The following EPS15L1 variants were observed in gnomAD, a reference collection of about 807,000 sequenced individuals.
The protein encoded by EPS15L1 is epidermal growth factor receptor pathway substrate 15 like 1.
Under a neutral mutation model 117.1 loss-of-function variants are expected in EPS15L1, and 43 were observed. The ratio of observed to expected loss-of-function variants is 0.37; its 90% CI spans 0.29 to 0.47. The LOEUF is 0.47. Among genes scored for constraint, EPS15L1 ranks in the 20% least tolerant of loss-of-function variants. The pLI, the probability that EPS15L1 is intolerant of heterozygous loss-of-function variation, is 0.99. For missense variants in EPS15L1, 981 were observed against 1,164.0 expected, an observed-to-expected ratio of 0.84 and a Z score of 2.29; for synonymous variants, 459 against 470.5, an observed-to-expected ratio of 0.98 and a Z score of 0.32.
intron 8 of EPS15L1, among the ~76,000 whole-genome samples, chr19:16,428,165 C>T (rs1488199573): frequency 6.7e-6 from 1 of 148,350 alleles, no homozygotes; most frequent in African/African-American, 2.5e-5. Context: ...TACACCACTG[C>T]ACTCCAGCCT....
intron 22 of EPS15L1, among the ~76,000 whole-genome samples, chr19:16,376,446 C>T (rs1486211121): frequency 6.6e-6 from 1 of 152,190 alleles, no homozygotes; most frequent in Non-Finnish European, 1.5e-5. Flanking sequence ...CCTCGAGGGC[C>T]AAGGCTAGGA....
intron 4 of EPS15L1, among the ~76,000 whole-genome samples, chr19:16,438,557 T>C (rs1246223302): frequency 6.6e-6 from 1 of 152,246 alleles, no homozygotes; most frequent in South Asian, 2.1e-4. Context: ...GTTTTAGAGA[T>C]AGGGTCTCAC....
rs372467299 is a variant in EPS15L1, at chr19:16,361,971, A to T, written c.2394T>A (p.Pro798=). The change falls in exon 23 of 24, where the codon CCT becomes CCA. Residue 798 remains proline (P), a synonymous_variant. Coordinates refer to ENST00000455140, the MANE Select transcript of EPS15L1 (RefSeq NM_001258374.3). ...RPKPPSGKST[P]VSQLGSADFP... is the part of the protein sequence containing the mutation. ...AGTCTGCGGAACCAAGCTGGCTTAC[A>T]GGTGTACTTTTACCTGGAAAGTTTA... 1 of 1,600,678 alleles carries T rather than the reference A, an allele frequency of 6.2e-7. No individual in the cohort carries two copies. Among genetic ancestry groups the T allele is most frequent in the Non-Finnish European group, 8.5e-7 (1 of 1,175,190 alleles).
At chr19:16,432,411 A>G (rs1204691156) in intron 7 of EPS15L1, among the ~76,000 whole-genome samples, 1 of 152,060 alleles carries the variant, frequency 6.6e-6, no homozygotes, top group Non-Finnish European at 1.5e-5. Flanking sequence ...TACTAAAAAT[A>G]TGAAAAATTA....
chr19:16,402,511 T>A (rs2092612697), intron 15 of EPS15L1, 26 bp from the exon 16 acceptor site: 1 of 1,558,176 alleles, frequency 6.4e-7, no homozygotes, highest in Admixed American at 2.1e-5. Context: ...ATCATCAGCA[T>A]TAAGCAGGGT....
chr19:16,435,642 C>A (rs1425377751), intron 6 of EPS15L1, among the ~76,000 whole-genome samples: 2 of 150,430 alleles, frequency 1.3e-5, no homozygotes, highest in Admixed American at 1.3e-4. Flanking sequence ...AAGCTGAGCG[C>A]TGCAGGTCTT....
Position 16,403,723 on chromosome 19 carries a change from C to G in EPS15L1, c.1626+10G>C. 6.2e-7 allele frequency: 1 copy of G among 1,610,376 alleles called. No individual in the cohort carries two copies. Among genetic ancestry groups the G allele is most frequent in the African/African-American group, 1.3e-5 (1 of 75,016 alleles). On this transcript the variant is annotated intron_variant, in intron 15 of 23. Transcript: ENST00000455140. The stretch of plus-strand genomic sequence containing the variant: ...CTGGCATGTGGCAGGGACCCGACTC[C>G]GTGAAGTACCTGGTTGATTTCGTCT...
At chr19:16,360,106 C>T (rs1474841232) in intron 23 of EPS15L1, among the ~76,000 whole-genome samples, 7 of 149,890 alleles carry the variant, frequency 4.7e-5, no homozygotes, top group Non-Finnish European at 8.9e-5. Flanking sequence ...GAGCCCTTTG[C>T]GGGTTGGGGT....
Position 16,421,441 on chromosome 19 carries a change from C to T in EPS15L1, c.828G>A (p.Lys276=), listed in dbSNP as rs754527722. ...TVNWVVPVAD[K]MRFDEIFLKT... Reference sequence around the variant, plus strand: ...TCAGGAATATCTCATCAAATCGCATCTTGTCTGCCACGGGCACCACCCAGT... The same window carrying T: ...TCAGGAATATCTCATCAAATCGCATTTTGTCTGCCACGGGCACCACCCAGT... Residue 276 remains lysine, a synonymous_variant, in exon 10 of 24, where the codon AAG becomes AAA. Transcript: ENST00000455140. The T allele has an allele frequency of 6.2e-7, 1 of 1,613,982 alleles. No individual in the cohort carries two copies. The highest frequency in any genetic ancestry group is 8.5e-7 in the Non-Finnish European group (1 of 1,179,812).
intron 1 of EPS15L1, among the ~76,000 whole-genome samples, chr19:16,457,959 C>T (rs1385522980): frequency 6.6e-6 from 1 of 152,024 alleles, no homozygotes; most frequent in Non-Finnish European, 1.5e-5. Flanking sequence ...GGCCCACTTC[C>T]CAGAGTCTCC....
chr19:16,441,975 G>T lies in EPS15L1; in HGVS notation c.82C>A (p.Pro28Thr). The change falls in exon 3 of 24, where the codon CCG (proline) becomes ACG (threonine). Residue 28 changes from proline to threonine, a missense_variant. Pro to Thr is a conservative substitution (Grantham distance 38). This residue lies in a region of EPS15L1 where 62 missense variants were observed against 104.2 expected (regional missense o/e 0.59). Transcript: ENST00000455140. Reference protein sequence around the residue: ...LYESYYKQVDPAYTGRVGASE... With the variant: ...LYESYYKQVDTAYTGRVGASE... The stretch of plus-strand genomic sequence containing the variant: ...GCCCCCACCCTCCCTGTGTATGCCG[G>T]ATCGACCTGAAATGGGAGACCAAGA... 6.2e-7 allele frequency: 1 copy of T among 1,612,562 alleles called. No homozygotes were observed. Among genetic ancestry groups the T allele is most frequent in the Non-Finnish European group, 8.5e-7 (1 of 1,179,414 alleles).
chr19:16,395,273 T>C (rs572312407), intron 17 of EPS15L1, 71 bp downstream of exon 17: 308 of 1,485,474 alleles, frequency 2.1e-4, no homozygotes, highest in Non-Finnish European at 2.7e-4. Flanking sequence ...CTTTTCTAGT[T>C]GAAGAACCAC....
At chr19:16,415,349 T>G (rs1359672631) in intron 12 of EPS15L1, among the ~76,000 whole-genome samples, 1 of 152,192 alleles carries the variant, frequency 6.6e-6, no homozygotes, top group Non-Finnish European at 1.5e-5. Context: ...GCAGTATGAA[T>G]GGACTAAGAC....
intron 1 of EPS15L1, among the ~76,000 whole-genome samples, chr19:16,447,403 G>T (rs2093094557): frequency 6.6e-6 from 1 of 152,160 alleles, no homozygotes; most frequent in Non-Finnish European, 1.5e-5. Flanking sequence ...CAAAGAGAGA[G>T]GCAATTCAGA....
In EPS15L1 at chr19:16,364,335, A is replaced by T. The variant is rs566691203; in HGVS notation, c.2381-2351T>A. ...AGTGCCCAGCCCACGCGGGCAGGAC[A>T]GGAATGTGGCCCCTCTCCTTCCGAC... On this transcript the variant is annotated intron_variant, in intron 22 of 23. Transcript: ENST00000455140. Among the ~76,000 whole-genome samples the T allele has an allele frequency of 5.9e-5, 9 of 152,326 alleles. No individual in the cohort carries two copies. In the East Asian group the frequency reaches 1.7e-3, roughly 29 times the overall value.
intron 16 of EPS15L1, chr19:16,401,817 G>C: frequency 1.0e-6 from 1 of 986,146 alleles, no homozygotes; most frequent in South Asian, 4.7e-5. Context: ...ATTCTTACTT[G>C]AAAGAGCAAC....
Position 16,471,962 on chromosome 19 carries a change from GCTCC to G in EPS15L1, c.-21_-18del. On this transcript the variant is annotated 5_prime_UTR_variant, in exon 1 of 24. Coordinates refer to ENST00000455140, the MANE Select transcript of EPS15L1 (RefSeq NM_001258374.3). The surrounding 1 kb of genome is among the most constrained non-coding windows in gnomAD (Gnocchi z 4.8). Reference sequence around the variant, plus strand: ...CGCCGCCATCTTCCCGCGGACTCGGGCTCCGAGCGCCGGGGGAACGGGGGCGGGG... The same window carrying G: ...CGCCGCCATCTTCCCGCGGACTCGGGGAGCGCCGGGGGAACGGGGGCGGGG... 1 of 1,282,008 alleles carries G rather than the reference GCTCC, an allele frequency of 7.8e-7. No individual in the cohort carries two copies. Among genetic ancestry groups the G allele is most frequent in the Non-Finnish European group, 9.8e-7 (1 of 1,015,658 alleles). The allele number at this position is 1,282,008 out of a possible 1,614,324, so 79.4% of individuals were successfully genotyped here.
At chr19:16,462,241 G>A (rs1220825920) in intron 1 of EPS15L1, among the ~76,000 whole-genome samples, 1 of 152,180 alleles carries the variant, frequency 6.6e-6, no homozygotes, top group South Asian at 2.1e-4. Context: ...TCAGACCTGT[G>A]CCCCAAATCT....
rs984608515 is a variant in EPS15L1 at position 16,365,009 on chromosome 19, C to G, written c.2381-3025G>C. Among the ~76,000 whole-genome samples the G allele has an allele frequency of 6.6e-6, 1 of 152,222 alleles. No homozygotes were observed. Among genetic ancestry groups the G allele is most frequent in the Non-Finnish European group, 1.5e-5 (1 of 68,028 alleles). On this transcript the variant is annotated intron_variant, in intron 22 of 23. Transcript: ENST00000455140. This position sits in a 1 kb window ranked among gnomAD's most constrained non-coding sequence, Gnocchi z 4.9. ...CTTGTCCAGGTGGCACCTCCTTCCCCAGGAACCCCCAAACCCAGGGCTTCT... is the reference window on the plus strand; with the variant it reads ...CTTGTCCAGGTGGCACCTCCTTCCCGAGGAACCCCCAAACCCAGGGCTTCT...
Sources: gnomAD v4.1 joint callset for allele counts (sites outside exome capture counted in the v4.1 genomes callset) on GRCh38, gnomAD v4.1.1 for gene constraint, gnomAD v4.1.1 regional missense constraint, Gnocchi (gnomAD v3.1) non-coding constraint, MANE v1.5 for transcripts, NCBI Gene and HGNC (gene_info 2026-07-23, HGNC 2026-07-21) for gene names.